SIAE: variants seen among roughly 807,000 people sequenced by gnomAD.
SIAE encodes the protein sialate O-acetylesterase.
A neutral mutation model predicts 52.6 loss-of-function variants in SIAE; 39 were observed. The ratio of observed to expected loss-of-function variants is 0.74; its 90% CI spans 0.57 to 0.97. The LOEUF (loss-of-function observed/expected upper bound fraction) is 0.97, where lower values mean the gene tolerates loss of function less well. SIAE is among the 50% of genes least tolerant of loss of function. The probability of loss-of-function intolerance (pLI) is 0.00; values close to 1 mark genes in which losing one functional copy is unlikely to be tolerated. For missense variants in SIAE, 592 were observed against 662.1 expected, an observed-to-expected ratio of 0.89 and a Z score of 1.16; for synonymous variants, 233 against 241.4, an observed-to-expected ratio of 0.97 and a Z score of 0.32.
upstream of SIAE, chr11:124,675,679 T>G (rs1045790282): frequency 1.9e-5 from 6 of 310,944 alleles, no homozygotes; most frequent in Admixed American, 9.5e-5. Flanking sequence ...GGAAGGTAAC[T>G]GCAAAAGAGC....
rs747558743 is a variant in SIAE, at chr11:124,647,429, C to T, written c.902G>A (p.Arg301His). The T allele has an allele frequency of 2.5e-5, 41 of 1,614,070 alleles. 1 individual carries two copies. The highest frequency in any genetic ancestry group is 3.3e-4 in the Middle Eastern group (2 of 6,084). Residue 301 changes from arginine (R) to histidine (H), a missense_variant, in exon 7 of 10, where the codon CGT (arginine) becomes CAT (histidine). Physicochemically the swap from Arg to His is conservative, Grantham distance 29 (BLOSUM62 0). Coordinates refer to ENST00000263593, the MANE Select transcript of SIAE (RefSeq NM_170601.5). ...CTGGGAACCACGGTGGAAGGTTTCACGCCAGTCTTCGATGAGTGCAGGGAA... is the reference window on the plus strand; with the variant it reads ...CTGGGAACCACGGTGGAAGGTTTCATGCCAGTCTTCGATGAGTGCAGGGAA... ...CTFPALIEDW[R>H]ETFHRGSQGQ...
At chr11:124,644,351 GA>G (rs200663207) in intron 7 of SIAE, among the ~76,000 whole-genome samples, 6 of 98,994 alleles carry the variant, frequency 6.1e-5, no homozygotes, top group East Asian at 7.6e-4. Flanking sequence ...AGTCTGTGGT[GA>G]GAAAAAAAAA....
rs897608937 is a variant in SIAE at position 124,635,074 on chromosome 11, T to C, written c.*1877A>G. ...TGCCTGAACCGTATTTTTCACACTA[T>C]GTACTCTAGGTTCCTGGAGGTGAAA... On this transcript the variant is annotated 3_prime_UTR_variant, in exon 10 of 10. Coordinates refer to ENST00000263593, the MANE Select transcript of SIAE (RefSeq NM_170601.5). 6.6e-6 allele frequency: 1 copy of C among 152,234 alleles called. No individual in the cohort carries two copies. Among genetic ancestry groups the C allele is most frequent in the African/African-American group, 2.4e-5 (1 of 41,452 alleles). The allele number at this position is 152,234 out of a possible 1,614,324, so 9.4% of individuals were successfully genotyped here.
At chr11:124,647,573 A>G in intron 6 of SIAE, 75 bp from the exon 7 acceptor site, 4 of 1,561,728 alleles carry the variant, frequency 2.6e-6, no homozygotes, top group East Asian at 2.3e-5. Flanking sequence ...TCCTCCCTCC[A>G]TCCATGCCCT....
Position 124,660,748 on chromosome 11 carries a change from G to C in SIAE, c.285C>G (p.Phe95Leu). 1 of 1,614,162 alleles carries C rather than the reference G, an allele frequency of 6.2e-7. No individual in the cohort carries two copies. The highest frequency in any genetic ancestry group is 8.5e-7 in the Non-Finnish European group (1 of 1,180,030). Reference sequence around the variant, plus strand: ...CCAAAGTCTGTTGTGCCATCACTTCGAAAGGTCCTCCAGGCTTCATAGGAT... The same window carrying C: ...CCAAAGTCTGTTGTGCCATCACTTCCAAAGGTCCTCCAGGCTTCATAGGAT... ...VLDPMKPGGP[F>L]EVMAQQTLEK... is the part of the protein sequence containing the mutation. The change falls in exon 3 of 10, where the codon TTC becomes TTG. Residue 95 changes from phenylalanine (F) to leucine (L), a missense_variant. Phe to Leu is a conservative substitution (Grantham distance 22, BLOSUM62 0). Transcript: ENST00000263593.
Position 124,654,703 on chromosome 11 carries a change from G to C in SIAE, c.496C>G (p.Leu166Val). The C allele has an allele frequency of 6.2e-7, 1 of 1,614,176 alleles. No individual in the cohort carries two copies. Among genetic ancestry groups the C allele is most frequent in the Non-Finnish European group, 8.5e-7 (1 of 1,180,036 alleles). The change falls in exon 4 of 10, where the codon CTG (leucine) becomes GTG (valine). Residue 166 changes from leucine (L) to valine (V), a missense_variant. By Grantham distance (32) the Leu-to-Val change is conservative (BLOSUM62 1). Transcript: ENST00000263593. ...SVSPIQAEQE[L>V]EDLVAVDLQW... ...AAGTCAACCGCAACAAGGTCCTCCAGCTCCTGCTCTGCTTGAATGGGAGAG... is the reference window on the plus strand; with the variant it reads ...AAGTCAACCGCAACAAGGTCCTCCACCTCCTGCTCTGCTTGAATGGGAGAG...
Position 124,647,459 on chromosome 11 carries a change from C to T in SIAE, c.872G>A (p.Cys291Tyr), listed in dbSNP as rs915063660. The T allele has an allele frequency of 1.6e-5, 26 of 1,614,032 alleles. No homozygotes were observed. Among genetic ancestry groups the T allele is most frequent in the Non-Finnish European group, 2.0e-5 (24 of 1,180,020 alleles). Residue 291 changes from cysteine (C) to tyrosine (Y), a missense_variant, in exon 7 of 10, where the codon TGC (cysteine) becomes TAC (tyrosine). Cys to Tyr is a radical substitution (Grantham distance 194, BLOSUM62 -2). Coordinates refer to ENST00000263593, the MANE Select transcript of SIAE (RefSeq NM_170601.5). ...GTCTTCGATGAGTGCAGGGAATGTG[C>T]AATTGTACAGATCCGTGTTATAATT... ...NINYNTDLYNCTFPALIEDWR... is the reference protein window; with the variant it reads ...NINYNTDLYNYTFPALIEDWR...
At chr11:124,660,501 C>T (rs746543800) in intron 3 of SIAE, 127 bp downstream of exon 3, 2 of 864,482 alleles carry the variant, frequency 2.3e-6, no homozygotes, top group Non-Finnish European at 3.9e-6. Flanking sequence ...GCATTTAGAA[C>T]ATATCTTGGC....
Position 124,654,192 on chromosome 11 carries a change from GA to G in SIAE, c.544+462del, listed in dbSNP as rs527359579. On this transcript the variant is annotated intron_variant, in intron 4 of 9. Coordinates refer to ENST00000263593, the MANE Select transcript of SIAE (RefSeq NM_170601.5). ...GACTCCGTCTCAAAAAAAAGAAAAA[GA>G]AAAAAAAGAAATGGAGAGCTCATGC... 2.0e-4 allele frequency: 192 copies of G among 981,600 alleles called. 3 individuals are homozygous for G. In the East Asian group the frequency reaches 0.016, roughly 83 times the overall value. 60.8% of individuals were successfully genotyped at this position (981,600 alleles called of 1,614,324 possible).
rs1038503665 is a variant in SIAE, at chr11:124,670,866, T to C, written c.68-1345A>G. On this transcript the variant is annotated intron_variant, in intron 1 of 9. Coordinates refer to ENST00000263593, the MANE Select transcript of SIAE (RefSeq NM_170601.5). This position sits in a 1 kb window ranked among gnomAD's most constrained non-coding sequence, Gnocchi z 4.5. ...TGAGCAAAATGCTCTAAGAAAAGAA[T>C]ACAACGCCCCAGAATTGCATAAGCA... is the stretch of plus-strand genomic sequence containing the variant. Among the ~76,000 whole-genome samples, 3 of 152,128 alleles carry C rather than the reference T, an allele frequency of 2.0e-5. No individual in the cohort carries two copies.
At chr11:124,673,866 G>GT (rs541892126), upstream of SIAE, 113,691 of 502,582 alleles carry the variant, frequency 0.23, 1,119 homozygotes, top group East Asian at 0.39. Context: ...GGCCGCCGTA[G>GT]TTTTTTTTTT....
chr11:124,657,296 G>A (rs945363358), intron 3 of SIAE, among the ~76,000 whole-genome samples: 4 of 152,192 alleles, frequency 2.6e-5, no homozygotes, highest in African/African-American at 7.2e-5. Flanking sequence ...CACTCACAGT[G>A]TATCTGGCAG....
At chr11:124,647,674 G>A (rs1942960137) in intron 6 of SIAE, among the ~76,000 whole-genome samples, 176 bp from the exon 7 acceptor site, 1 of 152,142 alleles carries the variant, frequency 6.6e-6, no homozygotes, top group Admixed American at 6.5e-5. Context: ...GGCTTGAAAA[G>A]TACTTCAGGT....
At chr11:124,650,884 C>T (rs1362741093) in intron 4 of SIAE, among the ~76,000 whole-genome samples, 1 of 152,164 alleles carries the variant, frequency 6.6e-6, no homozygotes, top group Non-Finnish European at 1.5e-5. Flanking sequence ...GGGAAAGCCA[C>T]AGAAGCCAAA....
chr11:124,658,227 AGT>A (rs1462141860), intron 3 of SIAE, among the ~76,000 whole-genome samples: 1 of 149,132 alleles, frequency 6.7e-6, no homozygotes. Flanking sequence ...CATGCGTGTG[AGT>A]GTGTGTCTGT....
intron 2 of SIAE, among the ~76,000 whole-genome samples, chr11:124,661,631 T>C (rs1164689614): frequency 1.3e-5 from 2 of 152,034 alleles, no homozygotes; most frequent in Non-Finnish European, 2.9e-5. Context: ...GAAAAATATC[T>C]TCAAAATGGC....
Position 124,639,736 on chromosome 11 carries a change from G to C in SIAE, c.1098C>G (p.Leu366=). 3 of 1,614,166 alleles carry C rather than the reference G, an allele frequency of 1.9e-6. No individual in the cohort carries two copies. The highest frequency in any genetic ancestry group is 2.5e-6 in the Non-Finnish European group (3 of 1,179,986). Residue 366 remains leucine (L), a synonymous_variant, in exon 8 of 10, where the codon CTC becomes CTG. Coordinates refer to ENST00000263593, the MANE Select transcript of SIAE (RefSeq NM_170601.5). ...PNTFMAVAMD[L]CDRDSPFGSI... ...TGCCAAAAGGCGAGTCTCTATCACA[G>C]AGATCCATAGCTACAGCCATGAAAG...
At chr11:124,647,266 T>G (rs1188348833) in intron 7 of SIAE, 99 bp downstream of exon 7, 1 of 1,521,266 alleles carries the variant, frequency 6.6e-7, no homozygotes, top group African/African-American at 1.4e-5. Flanking sequence ...AGGAAAGAGA[T>G]CCAAATAGCA....
intron 7 of SIAE, 48 bp downstream of exon 7, chr11:124,647,317 C>A (rs1216473997): frequency 1.2e-6 from 2 of 1,613,364 alleles, no homozygotes; most frequent in East Asian, 2.2e-5. Context: ...CCTCTCAACA[C>A]AGGAACAGGT....
Sources: allele counts gnomAD v4.1 joint callset (sites outside exome capture counted in the v4.1 genomes callset), GRCh38; gene constraint gnomAD v4.1.1; non-coding constraint Gnocchi (gnomAD v3.1); transcripts MANE v1.5; gene names NCBI Gene and HGNC (gene_info 2026-07-23, HGNC 2026-07-21).